The following CFAP20DC variants were observed in gnomAD, a reference collection of about 807,000 sequenced individuals.
The protein encoded by CFAP20DC is protein CFAP20DC.
CFAP20DC carries 84 observed loss-of-function variants against 101.7 expected under a neutral mutation model. The ratio of observed to expected loss-of-function variants is 0.83; its 90% CI spans 0.69 to 0.99. CFAP20DC has a LOEUF of 0.99. CFAP20DC is among the 50% of genes least tolerant of loss of function. The pLI is 0.00. For missense variants in CFAP20DC, 1,007 were observed against 970.3 expected, an observed-to-expected ratio of 1.04 and a Z score of -0.50; for synonymous variants, 359 against 351.2, an observed-to-expected ratio of 1.02 and a Z score of -0.25.
chr3:58,894,180 A>T lies in CFAP20DC; in HGVS notation c.551-9471T>A, dbSNP rs560433533. Among the ~76,000 whole-genome samples the T allele has an allele frequency of 5.9e-5, 9 of 152,156 alleles. No homozygotes were observed. Among genetic ancestry groups the T allele is most frequent in the Admixed American group, 1.3e-4 (2 of 15,286 alleles). ...ATCATTCTCCCCTTGGCCCCTCCCA[A>T]ATCTCACGTCCTCACATTTCAAAGC... On this transcript the variant is annotated intron_variant, in intron 6 of 16. Coordinates refer to ENST00000482387, the MANE Select transcript of CFAP20DC (RefSeq NM_001394063.1). The surrounding 1 kb of genome is among the most constrained non-coding windows in gnomAD (Gnocchi z 4.1).
rs533858201 is a variant in CFAP20DC, at chr3:59,003,888, C to T, written c.278+35669G>A. Reference sequence around the variant, plus strand: ...TCCACCAATTACTAAGGGCTCTTTTCAGACTTGCTTTTGTTTAAACTAAGT... The same window carrying T: ...TCCACCAATTACTAAGGGCTCTTTTTAGACTTGCTTTTGTTTAAACTAAGT... On this transcript the variant is annotated intron_variant, in intron 4 of 16. Transcript: ENST00000482387. Among the ~76,000 whole-genome samples, 3 of 152,288 alleles carry T rather than the reference C, an allele frequency of 2.0e-5. No homozygotes were observed. In the East Asian group the frequency reaches 5.8e-4, roughly 29 times the overall value.
At position 58,815,556 on chromosome 3, in the gene CFAP20DC, T is replaced by A. The variant is rs1039416706; in HGVS notation, c.2176-9100A>T. ...TTCTGCACAGCAAAAGAAACTACCA[T>A]CAGAGTGAACAGGCAACCTACAAAA... On this transcript the variant is annotated intron_variant, in intron 14 of 16. Transcript: ENST00000482387. Among the ~76,000 whole-genome samples the A allele has an allele frequency of 4.2e-3, 628 of 150,938 alleles. 2 individuals are homozygous for A. Among genetic ancestry groups the A allele is most frequent in the Non-Finnish European group, 5.5e-3 (370 of 67,572 alleles).
chr3:58,851,787 C>T (rs1164501681), intron 12 of CFAP20DC, among the ~76,000 whole-genome samples: 1 of 151,402 alleles, frequency 6.6e-6, no homozygotes, highest in Non-Finnish European at 1.5e-5. Flanking sequence ...GATTATAAAA[C>T]AAAAAGGAGT....
chr3:58,784,906 C>A (rs562007735), intron 15 of CFAP20DC, among the ~76,000 whole-genome samples: 1 of 152,014 alleles, frequency 6.6e-6, no homozygotes, highest in African/African-American at 2.4e-5. Flanking sequence ...AACTACCATT[C>A]GATCCAGCAA....
intron 4 of CFAP20DC, among the ~76,000 whole-genome samples, chr3:59,010,032 A>C (rs1465526382): frequency 6.6e-6 from 1 of 152,186 alleles, no homozygotes; most frequent in Non-Finnish European, 1.5e-5. Flanking sequence ...CTACCAACCC[A>C]GTACTACAAG....
At chr3:58,931,066 C>T (rs766258697) in intron 5 of CFAP20DC, among the ~76,000 whole-genome samples, 43 of 152,262 alleles carry the variant, frequency 2.8e-4, no homozygotes, top group African/African-American at 4.6e-4. Context: ...CACTCCCACC[C>T]GAATACTGCG....
At chr3:58,844,424 C>A (rs1199135204) in intron 13 of CFAP20DC, among the ~76,000 whole-genome samples, 10 of 138,258 alleles carry the variant, frequency 7.2e-5, no homozygotes, top group Admixed American at 6.9e-4. Flanking sequence ...AAGGCCATTA[C>A]ATAATGGTAA....
At chr3:58,890,466 G>A (rs1414992500) in intron 6 of CFAP20DC, among the ~76,000 whole-genome samples, 1 of 147,124 alleles carries the variant, frequency 6.8e-6, no homozygotes, top group Non-Finnish European at 1.5e-5. Context: ...TCCCGGACGG[G>A]GCGGCTGGTC....
At chr3:58,809,453 C>T (rs1192067105) in intron 14 of CFAP20DC, among the ~76,000 whole-genome samples, 2 of 152,122 alleles carry the variant, frequency 1.3e-5, no homozygotes, top group African/African-American at 4.8e-5. Flanking sequence ...TGAATGACTA[C>T]TGGGTACATA....
intron 4 of CFAP20DC, among the ~76,000 whole-genome samples, chr3:59,036,845 C>A (rs1284609751): frequency 1.3e-5 from 2 of 152,122 alleles, no homozygotes; most frequent in Admixed American, 1.3e-4. Context: ...GCAAAAAGAA[C>A]AAAGCTGGAG....
At chr3:58,856,177 C>T (rs2078793628) in intron 12 of CFAP20DC, among the ~76,000 whole-genome samples, 1 of 150,924 alleles carries the variant, frequency 6.6e-6, no homozygotes, top group Non-Finnish European at 1.5e-5. Flanking sequence ...AGGATGAGAA[C>T]TGCATTGTTA....
chr3:58,750,223 C>G (rs2068472887), intron 16 of CFAP20DC, among the ~76,000 whole-genome samples: 1 of 152,136 alleles, frequency 6.6e-6, no homozygotes, highest in Non-Finnish European at 1.5e-5. Context: ...TTTTGTATGG[C>G]CTGGGGCAAG....
chr3:58,827,186 C>G (rs2076097103), intron 14 of CFAP20DC, among the ~76,000 whole-genome samples: 2 of 152,052 alleles, frequency 1.3e-5, no homozygotes, highest in African/African-American at 4.8e-5. Context: ...TAGGGTTCGT[C>G]TCAATTTTGC....
intron 13 of CFAP20DC, among the ~76,000 whole-genome samples, chr3:58,845,596 T>G (rs1376263776): frequency 7.9e-5 from 12 of 152,154 alleles, no homozygotes; most frequent in Admixed American, 7.9e-4. Flanking sequence ...AAGGAGGAAC[T>G]GGTACCTTTC....
intron 4 of CFAP20DC, among the ~76,000 whole-genome samples, chr3:58,994,814 C>T (rs759133950): frequency 6.0e-5 from 9 of 151,108 alleles, no homozygotes; most frequent in Middle Eastern, 3.4e-3. Flanking sequence ...TGACTTTGCT[C>T]GGGTAAAGAA....
intron 15 of CFAP20DC, among the ~76,000 whole-genome samples, chr3:58,796,255 G>A (rs547123653): frequency 2.4e-4 from 36 of 152,316 alleles, no homozygotes; most frequent in African/African-American, 8.2e-4. Context: ...CACTCACATT[G>A]TACTGCTGGT....
intron 3 of CFAP20DC, among the ~76,000 whole-genome samples, chr3:58,720,044 C>T (rs112681613): frequency 2.6e-3 from 403 of 152,340 alleles, no homozygotes; most frequent in Non-Finnish European, 4.2e-3. Flanking sequence ...GTAGAGGCCA[C>T]CTTCCCTGTC....
chr3:58,924,951 C>G (rs1266259033), intron 5 of CFAP20DC, among the ~76,000 whole-genome samples: 1 of 151,738 alleles, frequency 6.6e-6, no homozygotes, highest in Non-Finnish European at 1.5e-5. Context: ...TATCTGAGAT[C>G]TTTGTAGATT....
At chr3:59,008,767 G>A (rs376307472) in intron 4 of CFAP20DC, among the ~76,000 whole-genome samples, 128 of 152,024 alleles carry the variant, frequency 8.4e-4, no homozygotes, top group Middle Eastern at 3.4e-3. Flanking sequence ...GCTAAATGAC[G>A]AGTTAATGGG....
Sources: gnomAD v4.1 joint callset for allele counts (sites outside exome capture counted in the v4.1 genomes callset) on GRCh38, gnomAD v4.1.1 for gene constraint, Gnocchi (gnomAD v3.1) non-coding constraint, MANE v1.5 for transcripts, NCBI Gene and HGNC (gene_info 2026-07-23, HGNC 2026-07-21) for gene names.